Variants in PCDHGA8 observed in about 807,000 individuals in gnomAD.
The protein encoded by PCDHGA8 is protocadherin gamma subfamily A, 8, also known as protocadherin gamma-A8.
A neutral mutation model predicts 59.2 loss-of-function variants in PCDHGA8; 45 were observed. The observed-to-expected ratio is 0.76, with a 90% CI of 0.60 to 0.98. The LOEUF (loss-of-function observed/expected upper bound fraction) is 0.98. PCDHGA8 is among the 50% of genes least tolerant of loss of function. PCDHGA8 has a pLI of 0.00. For missense variants in PCDHGA8, 1,257 were observed against 1,196.2 expected (o/e 1.05, Z -0.75); for synonymous variants, 531 against 519.0 (o/e 1.02, Z -0.32).
chr5:141,429,421 C>T (rs1223756901), intron 1 of PCDHGA8, among the ~76,000 whole-genome samples: 1 of 151,486 alleles, frequency 6.6e-6, no homozygotes, highest in Non-Finnish European at 1.5e-5. Context: ...CATTATGTTG[C>T]CCAGGCTGGA....
chr5:141,504,937 G>A (rs1350441435), intron 2 of PCDHGA8, among the ~76,000 whole-genome samples: 2 of 152,054 alleles, frequency 1.3e-5, no homozygotes, highest in East Asian at 1.9e-4. Context: ...GGTGGGTGGG[G>A]GAATGCACTA....
intron 1 of PCDHGA8, chr5:141,400,636 G>C: frequency 7.5e-7 from 1 of 1,325,762 alleles, no homozygotes; most frequent in Non-Finnish European, 1.1e-6. Context: ...AGTCAGAGCT[G>C]CTCAGAAAGC....
chr5:141,488,606 C>T (rs781116401), intron 1 of PCDHGA8, among the ~76,000 whole-genome samples: 2 of 152,156 alleles, frequency 1.3e-5, no homozygotes, highest in Admixed American at 1.3e-4. Flanking sequence ...TTACAAGGTT[C>T]TTACTAATCT....
rs375597452 is a variant in PCDHGA8 at position 141,403,865 on chromosome 5, A to G, written c.2424+8628A>G. ...AAATACTGGGGAAATATCAACAGCA[A>G]AAAGTCTAGATTATGAAGAATGTTC... On this transcript the variant is annotated intron_variant, in intron 1 of 3. Transcript: ENST00000398604. 40 of 1,613,808 alleles carry G rather than the reference A, an allele frequency of 2.5e-5. No individual in the cohort carries two copies. The African/African-American group carries it at 5.2e-4, about 21-fold the overall frequency.
chr5:141,400,092 G>T, intron 1 of PCDHGA8: 1 of 1,614,060 alleles, frequency 6.2e-7, no homozygotes, highest in Non-Finnish European at 8.5e-7. Context: ...CCACCGCCAC[G>T]CTGCACTTGG....
intron 1 of PCDHGA8, among the ~76,000 whole-genome samples, chr5:141,402,429 T>C (rs2094263946): frequency 6.6e-6 from 1 of 151,986 alleles, no homozygotes; most frequent in Admixed American, 6.6e-5. Flanking sequence ...AATTGAAGCA[T>C]CATAAAAAGG....
chr5:141,503,781 G>A (rs1393561411), intron 2 of PCDHGA8, among the ~76,000 whole-genome samples: 1 of 152,110 alleles, frequency 6.6e-6, no homozygotes, highest in East Asian at 1.9e-4. Flanking sequence ...TTCTTAGGCT[G>A]AGTTCATCTA....
At chr5:141,423,084 G>C (rs1427825232) in intron 1 of PCDHGA8, 2 of 1,613,942 alleles carry the variant, frequency 1.2e-6, no homozygotes, top group Non-Finnish European at 1.7e-6. Flanking sequence ...GACTCTTCGC[G>C]GTGGGGGAGC....
intron 1 of PCDHGA8, among the ~76,000 whole-genome samples, chr5:141,483,526 G>A (rs2099582495): frequency 6.6e-6 from 1 of 152,118 alleles, no homozygotes; most frequent in African/African-American, 2.4e-5. Flanking sequence ...TCCTGACTAA[G>A]GAAGCTGGGT....
rs1596259997 is a variant in PCDHGA8, at chr5:141,509,990, A to G, written c.2573-957A>G. Among the ~76,000 whole-genome samples the G allele has an allele frequency of 2.6e-5, 4 of 152,266 alleles. No individual in the cohort carries two copies. The South Asian group carries it at 8.3e-4, about 32-fold the overall frequency. ...GGTCCTTCTAACACTTGGTTCCCTC[A>G]TCTGTAAAATGAGGGTCATACCACA... is the stretch of plus-strand genomic sequence containing the variant. On this transcript the variant is annotated intron_variant, in intron 3 of 3. Transcript: ENST00000398604.
Position 141,491,244 on chromosome 5 carries a change from T to A in PCDHGA8, c.2425-3563T>A. 1 of 1,614,210 alleles carries A rather than the reference T, an allele frequency of 6.2e-7. No individual in the cohort carries two copies. Among genetic ancestry groups the A allele is most frequent in the Non-Finnish European group, 8.5e-7 (1 of 1,180,024 alleles). On this transcript the variant is annotated intron_variant, in intron 1 of 3. Coordinates refer to ENST00000398604, the MANE Select transcript of PCDHGA8 (RefSeq NM_032088.2). This position sits in a 1 kb window ranked among gnomAD's most constrained non-coding sequence, Gnocchi z 6.9. ...CCACAGTGCTGCTGGTTCTGGAGGA[T>A]GAGGACCCTGAGGAAATGCCCAAAT...
chr5:141,393,206 A>T lies in PCDHGA8; in HGVS notation c.393A>T (p.Pro131=). ...IEIIDINDNN[P]KFQVEDLEVK... ...TAATTGATATTAACGATAATAACCC[A>T]AAATTCCAGGTCGAAGATCTAGAAG... The change falls in exon 1 of 4, where the codon CCA becomes CCT. Residue 131 remains proline, a synonymous_variant. Transcript: ENST00000398604. 1 of 1,613,588 alleles carries T rather than the reference A, an allele frequency of 6.2e-7. No individual in the cohort carries two copies. The highest frequency in any genetic ancestry group is 2.2e-5 in the East Asian group (1 of 44,876).
intron 1 of PCDHGA8, chr5:141,419,468 C>T: frequency 6.2e-7 from 1 of 1,612,484 alleles, no homozygotes; most frequent in Non-Finnish European, 8.5e-7. Flanking sequence ...GGCCCGCGAC[C>T]AGGGCTCGCC....
chr5:141,450,264 C>T (rs1395960399), intron 1 of PCDHGA8, among the ~76,000 whole-genome samples: 1 of 152,112 alleles, frequency 6.6e-6, no homozygotes, highest in Non-Finnish European at 1.5e-5. Flanking sequence ...GTGATCTGCC[C>T]ACCTCAGCTA....
intron 1 of PCDHGA8, among the ~76,000 whole-genome samples, chr5:141,448,451 C>T (rs1261733103): frequency 6.6e-6 from 1 of 152,032 alleles, no homozygotes; most frequent in Admixed American, 6.6e-5. Context: ...GACTTCCATC[C>T]CTATCCTACT....
rs747132868 is a variant in PCDHGA8 at position 141,431,424 on chromosome 5, G to C, written c.2424+36187G>C. ...GCCTCCGACGGGGGCGACCCGGTGC[G>C]CACAGGCACCGCGCGCATCCGCGTG... On this transcript the variant is annotated intron_variant, in intron 1 of 3. Coordinates refer to ENST00000398604, the MANE Select transcript of PCDHGA8 (RefSeq NM_032088.2). This position sits in a 1 kb window ranked among gnomAD's most constrained non-coding sequence, Gnocchi z 4.8. The C allele has an allele frequency of 6.2e-7, 1 of 1,613,558 alleles. No individual in the cohort carries two copies. The highest frequency in any genetic ancestry group is 1.1e-5 in the South Asian group (1 of 91,082).
intron 2 of PCDHGA8, among the ~76,000 whole-genome samples, chr5:141,497,213 G>A (rs1313220474): frequency 6.6e-6 from 1 of 152,126 alleles, no homozygotes; most frequent in Non-Finnish European, 1.5e-5. Flanking sequence ...GTGTAATGGG[G>A]GGGGGAAGAT....
intron 1 of PCDHGA8, chr5:141,419,070 T>G: frequency 6.2e-7 from 1 of 1,613,926 alleles, no homozygotes; most frequent in Non-Finnish European, 8.5e-7. Context: ...TACTACAAGC[T>G]AGTAACAGAT....
chr5:141,458,633 A>C (rs548586597), intron 1 of PCDHGA8, among the ~76,000 whole-genome samples: 12 of 151,884 alleles, frequency 7.9e-5, no homozygotes, highest in Non-Finnish European at 1.5e-4. Flanking sequence ...GCAGTGGCAC[A>C]ATCCCAGCTC....
Sources: gnomAD v4.1 joint callset for allele counts (sites outside exome capture counted in the v4.1 genomes callset) on GRCh38, gnomAD v4.1.1 for gene constraint, Gnocchi (gnomAD v3.1) non-coding constraint, MANE v1.5 for transcripts, NCBI Gene and HGNC (gene_info 2026-07-23, HGNC 2026-07-21) for gene names.